Variants in CRTC3 observed in about 807,000 individuals in gnomAD.
CRTC3 encodes CREB regulated transcription coactivator 3.
In CRTC3, 26 loss-of-function variants were observed where a neutral mutation model predicts 74.5. That is an observed-to-expected ratio of 0.35 (90% CI 0.26 to 0.48). CRTC3 has a LOEUF of 0.48. Among genes scored for constraint, CRTC3 ranks in the 20% least tolerant of loss-of-function variants. The pLI is 0.99. For synonymous variants in CRTC3, 377 were observed against 325.8 expected, an observed-to-expected ratio of 1.16 and a Z score of -1.69; for missense variants, 760 against 787.3, an observed-to-expected ratio of 0.97 and a Z score of 0.41.
chr15:90,599,337 G>T (rs1330388357), intron 3 of CRTC3: 1 of 152,228 alleles, frequency 6.6e-6, no homozygotes, highest in East Asian at 1.9e-4. Flanking sequence ...CCTTCCGCTG[G>T]CACGCTGGCA....
At chr15:90,607,574 C>T (rs762564854) in intron 6 of CRTC3, 96 bp downstream of exon 6, 26 of 739,774 alleles carry the variant, frequency 3.5e-5, no homozygotes, top group Non-Finnish European at 4.3e-5. Context: ...TTGCGCTTCC[C>T]GGTTCAGTGA....
At chr15:90,568,803 A>C (rs1397553595) in intron 2 of CRTC3, among the ~76,000 whole-genome samples, 2 of 152,216 alleles carry the variant, frequency 1.3e-5, no homozygotes, top group African/African-American at 2.4e-5. Context: ...ACCACTGATC[A>C]ATCAGTGGCC....
chr15:90,635,442 C>G (rs372086885), intron 11 of CRTC3, among the ~76,000 whole-genome samples: 64 of 152,076 alleles, frequency 4.2e-4, no homozygotes, highest in African/African-American at 1.4e-3. Context: ...GTCAGGAGTT[C>G]GAGACCAGCC....
At position 90,530,024 on chromosome 15, in the gene CRTC3, G is replaced by C; in HGVS notation, c.-48G>C. ...GGACGGACGGGTGGGCCGAGGTACA[G>C]GCCCCACGGCCGCCGTCTCCCGCTT... is the stretch of plus-strand genomic sequence containing the variant. On this transcript the variant is annotated 5_prime_UTR_variant, in exon 1 of 15. Coordinates refer to ENST00000268184, the MANE Select transcript of CRTC3 (RefSeq NM_022769.5). The surrounding 1 kb of genome is among the most constrained non-coding windows in gnomAD (Gnocchi z 6.2). 1 of 1,350,884 alleles carries C rather than the reference G, an allele frequency of 7.4e-7. No individual in the cohort carries two copies. Among genetic ancestry groups the C allele is most frequent in the South Asian group, 1.3e-5 (1 of 74,144 alleles). The allele number at this position is 1,350,884 out of a possible 1,614,324, so 83.7% of individuals were successfully genotyped here. A position where few individuals can be genotyped will look rare whatever the true frequency, so the allele number is the denominator to read the frequency against.
At chr15:90,544,414 G>C (rs553232981) in intron 2 of CRTC3, among the ~76,000 whole-genome samples, 93 of 152,316 alleles carry the variant, frequency 6.1e-4, no homozygotes, top group African/African-American at 1.7e-3. Context: ...AGGTTCTGGG[G>C]CTTAGGACTT....
At chr15:90,629,672 T>C in intron 11 of CRTC3, 140 bp downstream of exon 11, 2 of 716,366 alleles carry the variant, frequency 2.8e-6, no homozygotes, top group Admixed American at 5.6e-5. Flanking sequence ...GTCTGTTCGC[T>C]CTTATATGTG....
intron 2 of CRTC3, among the ~76,000 whole-genome samples, chr15:90,591,594 A>G (rs1967803028): frequency 6.6e-6 from 1 of 152,204 alleles, no homozygotes; most frequent in African/African-American, 2.4e-5. Context: ...AGGTGGGTAG[A>G]TAACTTGAGG....
intron 9 of CRTC3, among the ~76,000 whole-genome samples, chr15:90,622,321 C>T (rs1462964587): frequency 6.6e-6 from 1 of 152,186 alleles, no homozygotes; most frequent in Non-Finnish European, 1.5e-5. Context: ...GTGAACGTTA[C>T]TAATGACCTG....
chr15:90,614,397 A>AAAATGAAAGTACC, intron 6 of CRTC3, 56 bp from the exon 7 acceptor site: 1 of 1,303,760 alleles, frequency 7.7e-7, no homozygotes, highest in Non-Finnish European at 1.1e-6. Flanking sequence ...TAAATTCATG[A>AAAATGAAAGTACC]AAATGAAAGT....
At position 90,641,987 on chromosome 15, in the gene CRTC3, T is replaced by C; in HGVS notation, c.1707T>C (p.Pro569=). 2 of 1,613,832 alleles carry C rather than the reference T, an allele frequency of 1.2e-6. No homozygotes were observed. The highest frequency in any genetic ancestry group is 2.2e-5 in the South Asian group (2 of 91,070). The change falls in exon 15 of 15, where the codon CCT becomes CCC. Residue 569 remains proline (P), a synonymous_variant. Transcript: ENST00000268184. ...TCAACAGTGCGCTGGCAGGCCTGCC[T>C]GAGGTCAGCCTGAACGTGGACACTC... is the stretch of plus-strand genomic sequence containing the variant. ...KDLNSALAGL[P]EVSLNVDTPF...
chr15:90,628,199 A>C lies in CRTC3; in HGVS notation c.968-1035A>C, dbSNP rs180769404. Among the ~76,000 whole-genome samples, 13 of 151,852 alleles carry C rather than the reference A, an allele frequency of 8.6e-5. 1 individual carries two copies. In the East Asian group the frequency reaches 2.6e-3, roughly 30 times the overall value. ...GTCACTGCACTCCAGCCTGGGTGACAGAGCGAGACTCTGTCTCAAAAAAAA... is the reference window on the plus strand; with the variant it reads ...GTCACTGCACTCCAGCCTGGGTGACCGAGCGAGACTCTGTCTCAAAAAAAA... On this transcript the variant is annotated intron_variant, in intron 10 of 14. Coordinates refer to ENST00000268184, the MANE Select transcript of CRTC3 (RefSeq NM_022769.5).
intron 4 of CRTC3, among the ~76,000 whole-genome samples, chr15:90,603,636 T>C (rs1414782795): frequency 6.6e-6 from 1 of 152,214 alleles, no homozygotes; most frequent in Non-Finnish European, 1.5e-5. Context: ...GCATCTGTTG[T>C]GTGCCTAGTA....
At chr15:90,599,091 A>G (rs1367014932) in intron 3 of CRTC3, 5 of 152,412 alleles carry the variant, frequency 3.3e-5, no homozygotes, top group Non-Finnish European at 5.9e-5. Flanking sequence ...AAAGGAGTGC[A>G]CAGAGGGATA....
At position 90,606,360 on chromosome 15, in the gene CRTC3, G is replaced by A. The variant is rs186564136; in HGVS notation, c.477-1018G>A. ...GTGGATCACCCGAGGTCGGGAGTTC[G>A]AGACCAGCCTGGCCAACATGGTGAA... On this transcript the variant is annotated intron_variant, in intron 5 of 14. Coordinates refer to ENST00000268184, the MANE Select transcript of CRTC3 (RefSeq NM_022769.5). Among the ~76,000 whole-genome samples, 409 of 148,740 alleles carry A rather than the reference G, an allele frequency of 2.7e-3. 1 individual carries two copies. The highest frequency in any genetic ancestry group is 8.5e-3 in the African/African-American group (346 of 40,484).
intron 11 of CRTC3, among the ~76,000 whole-genome samples, chr15:90,630,756 A>ATTTTTTTTTTTTTTTTTTTTT (rs1175467073): frequency 8.5e-5 from 2 of 23,654 alleles, no homozygotes; most frequent in Non-Finnish European, 2.3e-4. Context: ...TTACAGCATC[A>ATTTTTTTTTTTTTTTTTTTTT]TTTTTTTTTT....
At chr15:90,596,981 A>G (rs1486316747) in intron 3 of CRTC3, among the ~76,000 whole-genome samples, 1 of 152,232 alleles carries the variant, frequency 6.6e-6, no homozygotes, top group Non-Finnish European at 1.5e-5. Flanking sequence ...TTTAACAAAT[A>G]CTCTGGCCTC....
chr15:90,571,130 A>G (rs922750583), intron 2 of CRTC3, among the ~76,000 whole-genome samples: 1 of 152,238 alleles, frequency 6.6e-6, no homozygotes. Flanking sequence ...ACAATGCTTG[A>G]TGCTGGAGAT....
chr15:90,593,764 T>G lies in CRTC3; in HGVS notation c.351+9T>G. ...ACAAGCCAGGGCGACAAATATCCTT[T>G]TTTACTCTTCAAAGGGAGTGTGCAT... On this transcript the variant is annotated intron_variant, in intron 3 of 14. Coordinates refer to ENST00000268184, the MANE Select transcript of CRTC3 (RefSeq NM_022769.5). The G allele has an allele frequency of 1.3e-6, 2 of 1,595,058 alleles. No homozygotes were observed. Among genetic ancestry groups the G allele is most frequent in the Non-Finnish European group, 1.7e-6 (2 of 1,164,642 alleles).
intron 2 of CRTC3, among the ~76,000 whole-genome samples, chr15:90,548,682 A>G (rs1471121204): frequency 6.6e-6 from 1 of 152,254 alleles, no homozygotes; most frequent in Non-Finnish European, 1.5e-5. Context: ...GCTGACATTT[A>G]TTGAGTATGT....
Sources: gnomAD v4.1 joint callset for allele counts (sites outside exome capture counted in the v4.1 genomes callset) on GRCh38, gnomAD v4.1.1 for gene constraint, Gnocchi (gnomAD v3.1) non-coding constraint, MANE v1.5 for transcripts, NCBI Gene and HGNC (gene_info 2026-07-23, HGNC 2026-07-21) for gene names.